INPP5D: variants seen among roughly 807,000 people sequenced by gnomAD.
INPP5D encodes the protein inositol polyphosphate-5-phosphatase D, also known as phosphatidylinositol 3,4,5-trisphosphate 5-phosphatase 1.
A neutral mutation model predicts 122.9 loss-of-function variants in INPP5D; 33 were observed. The observed-to-expected ratio is 0.27, with a 90% CI of 0.20 to 0.36. The LOEUF (loss-of-function observed/expected upper bound fraction) is 0.36. INPP5D is among the 10% of genes least tolerant of loss of function. The probability of loss-of-function intolerance (pLI) is 1.00; values close to 1 mark genes in which losing one functional copy is unlikely to be tolerated. For synonymous variants in INPP5D, 584 were observed against 576.2 expected, an observed-to-expected ratio of 1.01 and a Z score of -0.19; for missense variants, 1,053 against 1,412.7, an observed-to-expected ratio of 0.75 and a Z score of 4.08.
At chr2:233,161,665 A>G in intron 10 of INPP5D, 59 bp from the exon 11 acceptor site, 1 of 1,513,094 alleles carries the variant, frequency 6.6e-7, no homozygotes, top group Non-Finnish European at 8.9e-7. Flanking sequence ...GTCCTTTGCA[A>G]AGTGTAATGT....
At chr2:233,061,257 C>T (rs548540177) in intron 1 of INPP5D, among the ~76,000 whole-genome samples, 1 of 130,954 alleles carries the variant, frequency 7.6e-6, no homozygotes, top group East Asian at 2.7e-4. Context: ...CTGTCACCAT[C>T]AACTCCTCCC....
chr2:233,203,164 C>G (rs897044958), intron 25 of INPP5D, among the ~76,000 whole-genome samples: 1 of 152,212 alleles, frequency 6.6e-6, no homozygotes, highest in Non-Finnish European at 1.5e-5. Context: ...AGCTTTCACC[C>G]TCAAGTAGCA....
At chr2:233,200,696 C>T (rs1217425745) in intron 25 of INPP5D, among the ~76,000 whole-genome samples, 2 of 152,162 alleles carry the variant, frequency 1.3e-5, no homozygotes, top group Admixed American at 6.5e-5. Flanking sequence ...CGGTGGCTCA[C>T]GCCTGTAATC....
At chr2:233,169,611 A>G in intron 14 of INPP5D, 1 of 732,838 alleles carries the variant, frequency 1.4e-6, no homozygotes, top group Non-Finnish European at 2.1e-6. Context: ...GAAGGTCAGA[A>G]AAGATATTTC....
rs1230751182 is a variant in INPP5D at position 233,171,159 on chromosome 2, C to T, written c.1989+7C>T. On this transcript the variant is annotated splice_region_variant and intron_variant, in intron 17 of 26. Coordinates refer to ENST00000445964, the MANE Select transcript of INPP5D (RefSeq NM_001017915.3). Reference sequence around the variant, plus strand: ...CAAGCAGAAAGCGACAGGGGTGAGTCCTCTTCATAGACACCTTCCCTGCCC... The same window carrying T: ...CAAGCAGAAAGCGACAGGGGTGAGTTCTCTTCATAGACACCTTCCCTGCCC... 1.9e-6 allele frequency: 3 copies of T among 1,613,432 alleles called. No homozygotes were observed. The highest frequency in any genetic ancestry group is 2.7e-5 in the African/African-American group (2 of 74,842).
At chr2:233,167,936 C>T (rs1446156635) in intron 13 of INPP5D, among the ~76,000 whole-genome samples, 4 of 131,192 alleles carry the variant, frequency 3.0e-5, no homozygotes, top group African/African-American at 1.2e-4. Context: ...ACCTGGGAGA[C>T]GGAGGTTGCA....
chr2:233,193,945 G>A lies in INPP5D; in HGVS notation c.2580G>A (p.Thr860=), dbSNP rs201355193. The A allele has an allele frequency of 3.3e-4, 535 of 1,608,432 alleles. 1 individual carries two copies. Among genetic ancestry groups the A allele is most frequent in the Admixed American group, 1.2e-3 (69 of 59,780 alleles). Residue 860 remains threonine, a synonymous_variant, in exon 23 of 27, where the codon ACG becomes ACA. Coordinates refer to ENST00000445964, the MANE Select transcript of INPP5D (RefSeq NM_001017915.3). The stretch of plus-strand genomic sequence containing the variant: ...AGCTGCAGACCTCTCAGGGCAAGAC[G>A]AGGGAGAAGCTCTATGGTAAGCAGC... The part of the protein sequence containing the change: ...EIKLQTSQGK[T]REKLYDFVKT...
chr2:233,128,540 C>T lies in INPP5D; in HGVS notation c.525-1968C>T, dbSNP rs181294587. Among the ~76,000 whole-genome samples, 171 of 152,296 alleles carry T rather than the reference C, an allele frequency of 1.1e-3. No individual in the cohort carries two copies. The highest frequency in any genetic ancestry group is 3.7e-3 in the African/African-American group (152 of 41,568). On this transcript the variant is annotated intron_variant, in intron 4 of 26. Transcript: ENST00000445964. The surrounding 1 kb of genome is among the most constrained non-coding windows in gnomAD (Gnocchi z 4.5). ...TCACCCAAGCTGGAACACAGTGGCGCGATCTCGGCTCACTGCAACCTCTAC... is the reference window on the plus strand; with the variant it reads ...TCACCCAAGCTGGAACACAGTGGCGTGATCTCGGCTCACTGCAACCTCTAC...
Position 233,160,837 on chromosome 2 carries a change from G to A in INPP5D, c.1138-887G>A, listed in dbSNP as rs1287873120. ...TTTTGTAGAGGCAGGGTTCCCCTATGTTGCCCAGGCTGGTCTCAAACTCCT... is the reference window on the plus strand; with the variant it reads ...TTTTGTAGAGGCAGGGTTCCCCTATATTGCCCAGGCTGGTCTCAAACTCCT... On this transcript the variant is annotated intron_variant, in intron 10 of 26. Transcript: ENST00000445964. The surrounding 1 kb of genome is among the most constrained non-coding windows in gnomAD (Gnocchi z 4.2). 6.6e-6 allele frequency among the ~76,000 whole-genome samples: 1 copy of A among 152,140 alleles called. No homozygotes were observed. Among genetic ancestry groups the A allele is most frequent in the African/African-American group, 2.4e-5 (1 of 41,428 alleles).
intron 2 of INPP5D, among the ~76,000 whole-genome samples, chr2:233,095,663 A>G (rs576546754): frequency 3.5e-4 from 53 of 150,858 alleles, no homozygotes; most frequent in Middle Eastern, 3.4e-3. Context: ...GGCTCAAGCA[A>G]TCCTCCCACC....
intron 13 of INPP5D, 35 bp from the exon 14 acceptor site, chr2:233,169,270 G>C (rs1468231648): frequency 6.4e-7 from 1 of 1,565,790 alleles, no homozygotes; most frequent in Non-Finnish European, 8.7e-7. Flanking sequence ...GTGTCTGTTT[G>C]ATATTTTGAT....
intron 2 of INPP5D, among the ~76,000 whole-genome samples, chr2:233,109,023 T>C (rs1692537304): frequency 6.6e-6 from 1 of 152,114 alleles, no homozygotes; most frequent in East Asian, 1.9e-4. Flanking sequence ...TTCCAGAAGC[T>C]AAATCAAGCC....
rs777066232 is a variant in INPP5D, at chr2:233,171,045, G to A, written c.1901-19G>A. Reference sequence around the variant, plus strand: ...AAACCTGGGGAATCAGAATTAAAACGAAAGTCTCTCTGTTTCAGAGGAGGA... The same window carrying A: ...AAACCTGGGGAATCAGAATTAAAACAAAAGTCTCTCTGTTTCAGAGGAGGA... On this transcript the variant is annotated intron_variant, in intron 16 of 26. Coordinates refer to ENST00000445964, the MANE Select transcript of INPP5D (RefSeq NM_001017915.3). 11 of 1,610,154 alleles carry A rather than the reference G, an allele frequency of 6.8e-6. No individual in the cohort carries two copies. Among genetic ancestry groups the A allele is most frequent in the Middle Eastern group, 1.6e-4 (1 of 6,070 alleles).
At chr2:233,201,400 G>A (rs1442148520) in intron 25 of INPP5D, among the ~76,000 whole-genome samples, 1 of 152,232 alleles carries the variant, frequency 6.6e-6, no homozygotes, top group East Asian at 1.9e-4. Flanking sequence ...ACAGCCCCAT[G>A]GTGACAGCTG....
Position 233,105,632 on chromosome 2 carries a change from A to G in INPP5D, c.199-16475A>G, listed in dbSNP as rs1331020277. Among the ~76,000 whole-genome samples the G allele has an allele frequency of 6.6e-6, 1 of 151,936 alleles. No homozygotes were observed. Among genetic ancestry groups the G allele is most frequent in the Non-Finnish European group, 1.5e-5 (1 of 67,960 alleles). On this transcript the variant is annotated intron_variant, in intron 2 of 26. Transcript: ENST00000445964. This position sits in a 1 kb window ranked among gnomAD's most constrained non-coding sequence, Gnocchi z 4.0. ...GGGGAAGAGAGCCAGAGGGGAAGGG[A>G]AGGGTAAGAGGGTAGTGACCGCAAG...
chr2:233,124,871 G>A (rs752307936), intron 3 of INPP5D, among the ~76,000 whole-genome samples: 15 of 152,240 alleles, frequency 9.9e-5, no homozygotes, highest in Admixed American at 2.0e-4. Context: ...CATGAGGCCC[G>A]CGCAGTCCAA....
intron 2 of INPP5D, among the ~76,000 whole-genome samples, chr2:233,094,883 C>T (rs936057860): frequency 1.1e-4 from 17 of 152,132 alleles, no homozygotes; most frequent in African/African-American, 2.9e-4. Flanking sequence ...TATCAACATC[C>T]GTAATGTCTG....
At chr2:233,110,270 G>C (rs1365564057) in intron 2 of INPP5D, among the ~76,000 whole-genome samples, 2 of 152,082 alleles carry the variant, frequency 1.3e-5, no homozygotes. Context: ...GACCAGGCTG[G>C]TCTTGAACTC....
At chr2:233,103,930 C>T (rs868110318) in intron 2 of INPP5D, among the ~76,000 whole-genome samples, 1 of 149,452 alleles carries the variant, frequency 6.7e-6, no homozygotes, top group South Asian at 2.1e-4. Flanking sequence ...TGGTCTCGAA[C>T]TCCTGACCTC....
Sources: allele counts gnomAD v4.1 joint callset (sites outside exome capture counted in the v4.1 genomes callset), GRCh38; gene constraint gnomAD v4.1.1; non-coding constraint Gnocchi (gnomAD v3.1); transcripts MANE v1.5; gene names NCBI Gene and HGNC (gene_info 2026-07-23, HGNC 2026-07-21).